The following F11 variants were observed in gnomAD, a reference collection of about 807,000 sequenced individuals.
The protein encoded by F11 is coagulation factor XI.
F11 carries 78 observed loss-of-function variants against 76.5 expected under a neutral mutation model. The ratio of observed to expected loss-of-function variants is 1.02; its 90% CI spans 0.85 to 1.23. The LOEUF (loss-of-function observed/expected upper bound fraction) is 1.23. F11 is among the 50% of genes most tolerant of loss of function. F11 has a pLI of 0.00. For synonymous variants in F11, 278 were observed against 276.3 expected (o/e 1.01, Z -0.06); for missense variants, 742 against 771.4 (o/e 0.96, Z 0.45).
At chr4:186,273,286 C>A (rs1740117830) in intron 4 of F11, 109 bp downstream of exon 4, 3 of 872,804 alleles carry the variant, frequency 3.4e-6, no homozygotes. Flanking sequence ...TGGAAATAAA[C>A]CCCCTTAATG....
In F11 at chr4:186,284,341, A is replaced by G. The variant is rs149185657; in HGVS notation, c.1304+81A>G. 958 of 1,316,496 alleles carry G rather than the reference A, an allele frequency of 7.3e-4. 6 individuals are homozygous for G. In the African/African-American group the frequency reaches 0.013, roughly 17 times the overall value. 81.6% of individuals were successfully genotyped at this position (1,316,496 alleles called of 1,614,324 possible). A position where few individuals can be genotyped will look rare whatever the true frequency, so the allele number is the denominator to read the frequency against. On this transcript the variant is annotated intron_variant, in intron 11 of 14. Transcript: ENST00000403665. The stretch of plus-strand genomic sequence containing the variant: ...ATTACTAGCATGTTAGGAAATAAAT[A>G]CTTTAACCAATTAGATTGTCTTATT...
intron 10 of F11, chr4:186,283,148 C>A: frequency 2.8e-6 from 2 of 710,942 alleles, no homozygotes; most frequent in Non-Finnish European, 3.5e-6. Context: ...GAGTCAGAAT[C>A]TGCATTTTGA....
Position 186,274,280 on chromosome 4 carries a change from G to T in F11, c.485+5G>T, listed in dbSNP as rs1173748968. 1.2e-6 allele frequency: 2 copies of T among 1,614,094 alleles called. No individual in the cohort carries two copies. On this transcript the variant is annotated splice_donor_5th_base_variant and intron_variant, in intron 5 of 14. Transcript: ENST00000403665. ...GTTTCCCAGCCTGGAGCATCGGTGA[G>T]TGAGTCCCAGGACATTCGAGTGGTC...
Position 186,274,168 on chromosome 4 carries a change from C to G in F11, c.378C>G (p.Asn126Lys). The change falls in exon 5 of 15, where the codon AAC becomes AAG. Residue 126 changes from asparagine to lysine, a missense_variant. Coordinates refer to ENST00000403665, the MANE Select transcript of F11 (RefSeq NM_000128.4). The part of the protein sequence containing the change: ...VDLDMKGINY[N>K]SSVAKSAQEC... Reference sequence around the variant, plus strand: ...TAGACATGAAGGGCATAAACTATAACAGCTCAGTTGCCAAGAGTGCTCAAG... The same window carrying G: ...TAGACATGAAGGGCATAAACTATAAGAGCTCAGTTGCCAAGAGTGCTCAAG... 1 of 1,614,182 alleles carries G rather than the reference C, an allele frequency of 6.2e-7. No individual in the cohort carries two copies. The highest frequency in any genetic ancestry group is 8.5e-7 in the Non-Finnish European group (1 of 1,180,044).
In F11 at chr4:186,280,480, G is replaced by A. The variant is rs557587101; in HGVS notation, c.1035G>A (p.Lys345=). ...AQASCNEGKG[K]CYLKLSSNGS... ...GTTTTGTTTCCAACTGCAGGGGCAA[G>A]TGTTACTTAAAGCTTTCTTCAAACG... The change falls in exon 10 of 15, where the codon AAG becomes AAA. Residue 345 remains lysine (K), a synonymous_variant. Transcript: ENST00000403665. 6.2e-7 allele frequency: 1 copy of A among 1,614,190 alleles called. No individual in the cohort carries two copies. The highest frequency in any genetic ancestry group is 1.1e-5 in the South Asian group (1 of 91,088).
chr4:186,288,735 T>C lies in F11; in HGVS notation c.*121T>C, dbSNP rs1323947832. On this transcript the variant is annotated 3_prime_UTR_variant, in exon 15 of 15. Transcript: ENST00000403665. ...ACACGCTGAAGGGGCTTGGTGTTTG[T>C]AAGAAAATGCTAGAAGAAAACAAAC... 6.2e-6 allele frequency: 7 copies of C among 1,123,566 alleles called. No homozygotes were observed. The highest frequency in any genetic ancestry group is 5.2e-5 in the East Asian group (2 of 38,702). 69.6% of individuals were successfully genotyped at this position (1,123,566 alleles called of 1,614,324 possible).
At chr4:186,272,480 C>T (rs1290760520) in intron 3 of F11, among the ~76,000 whole-genome samples, 4 of 152,122 alleles carry the variant, frequency 2.6e-5, no homozygotes, top group Admixed American at 6.5e-5. Flanking sequence ...TTAAACAGTC[C>T]ACCAACCATT....
At chr4:186,267,262 G>A in intron 2 of F11, 71 bp downstream of exon 2, 1 of 923,558 alleles carries the variant, frequency 1.1e-6, no homozygotes, top group Non-Finnish European at 1.8e-6. Flanking sequence ...ACATGTGGGA[G>A]AATCCCACAC....
At chr4:186,276,127 G>T in intron 6 of F11, 104 bp from the exon 7 acceptor site, 3 of 1,330,060 alleles carry the variant, frequency 2.3e-6, no homozygotes, top group East Asian at 2.4e-5. Flanking sequence ...AAAAGATCTT[G>T]GGATACACTT....
At chr4:186,278,579 C>T (rs975180367) in intron 7 of F11, among the ~76,000 whole-genome samples, 2 of 152,054 alleles carry the variant, frequency 1.3e-5, no homozygotes, top group African/African-American at 2.4e-5. Context: ...GGTTGGACCA[C>T]GGATTGTGAA....
At chr4:186,271,845 T>A in intron 3 of F11, 74 bp downstream of exon 3, 1 of 1,488,278 alleles carries the variant, frequency 6.7e-7, no homozygotes, top group Non-Finnish European at 9.4e-7. Context: ...CATTTCCATC[T>A]AACATTTTAT....
At chr4:186,268,944 TA>T (rs1015309833) in intron 2 of F11, among the ~76,000 whole-genome samples, 3 of 152,174 alleles carry the variant, frequency 2.0e-5, no homozygotes, top group African/African-American at 7.2e-5. Context: ...AGAAATTAAT[TA>T]AATGGAAGAC....
At chr4:186,283,137 T>G in intron 10 of F11, 1 of 757,176 alleles carries the variant, frequency 1.3e-6, no homozygotes, top group Non-Finnish European at 1.6e-6. Context: ...CAGATGTTAC[T>G]GAGTCAGAAT....
chr4:186,285,595 T>A (rs929822718), intron 11 of F11, 43 bp from the exon 12 acceptor site: 1 of 1,593,196 alleles, frequency 6.3e-7, no homozygotes, highest in African/African-American at 1.3e-5. Flanking sequence ...GGGAATTATT[T>A]TTAGTAAAGG....
At chr4:186,286,764 C>A in intron 13 of F11, 1 of 946,764 alleles carries the variant, frequency 1.1e-6, no homozygotes, top group Non-Finnish European at 1.3e-6. Context: ...AAGCCTAGCA[C>A]TTTTCAGTAA....
At position 186,266,190 on chromosome 4, in the gene F11, A is replaced by T. The variant is rs1164789111; in HGVS notation, c.-107A>T. On this transcript the variant is annotated 5_prime_UTR_variant, in exon 1 of 15. Transcript: ENST00000403665. Reference sequence around the variant, plus strand: ...TACAAGTAAATATTAAAGTGAAGTGACCATTTCCTACACAAGCTCATTCAG... The same window carrying T: ...TACAAGTAAATATTAAAGTGAAGTGTCCATTTCCTACACAAGCTCATTCAG... 1 of 152,202 alleles carries T rather than the reference A, an allele frequency of 6.6e-6. No homozygotes were observed. The highest frequency in any genetic ancestry group is 2.4e-5 in the African/African-American group (1 of 41,454). The allele number at this position is 152,202 out of a possible 1,614,324, so 9.4% of individuals were successfully genotyped here.
At chr4:186,285,952 C>A in intron 12 of F11, 139 bp downstream of exon 12, 1 of 950,228 alleles carries the variant, frequency 1.1e-6, no homozygotes, top group Non-Finnish European at 1.7e-6. Context: ...GAATGCTAGT[C>A]ATTCACTCTG....
chr4:186,275,837 C>T lies in F11; in HGVS notation c.536C>T (p.Thr179Met), dbSNP rs766929913. Residue 179 changes from threonine (T) to methionine (M), a missense_variant, in exon 6 of 15, where the codon ACG becomes ATG. Transcript: ENST00000403665. ...HTQTGTPTRI[T>M]KLDKVVSGFS... ...CAAACAGGGACACCAACCAGAATAA[C>T]GAAGCTCGATAAAGTGGTGTCTGGA... 10 of 1,613,630 alleles carry T rather than the reference C, an allele frequency of 6.2e-6. No homozygotes were observed. The highest frequency in any genetic ancestry group is 1.7e-4 in the Middle Eastern group (1 of 6,058).
intron 7 of F11, among the ~76,000 whole-genome samples, chr4:186,279,396 A>T (rs56810541): frequency 0.36 from 53,816 of 151,494 alleles, 9,804 homozygotes; most frequent in Non-Finnish European, 0.4. Context: ...AAAAAAAAAA[A>T]TTTTAAATAA....
Sources: allele counts gnomAD v4.1 joint callset (sites outside exome capture counted in the v4.1 genomes callset), GRCh38; gene constraint gnomAD v4.1.1; transcripts MANE v1.5; gene names NCBI Gene and HGNC (gene_info 2026-07-23, HGNC 2026-07-21).